Variants in ADAM12 observed in about 807,000 individuals in gnomAD.
ADAM12 encodes the protein ADAM metallopeptidase domain 12.
In ADAM12, 70 loss-of-function variants were observed where a neutral mutation model predicts 106.4. The ratio of observed to expected loss-of-function variants is 0.66; its 90% CI spans 0.54 to 0.80. The LOEUF is 0.80. Ranked by LOEUF, ADAM12 falls within the 30% of genes least tolerant of loss-of-function variation. The pLI, the probability that ADAM12 is intolerant of heterozygous loss-of-function variation, is 0.00. For synonymous variants in ADAM12, 420 were observed against 433.5 expected, an observed-to-expected ratio of 0.97 and a Z score of 0.39; for missense variants, 1,010 against 1,171.9, an observed-to-expected ratio of 0.86 and a Z score of 2.02.
intron 14 of ADAM12, among the ~76,000 whole-genome samples, chr10:126,050,757 C>T (rs1428608169): frequency 6.6e-6 from 1 of 152,230 alleles, no homozygotes; most frequent in Non-Finnish European, 1.5e-5. Flanking sequence ...CAGACATGAT[C>T]ATCTCATTCA....
At chr10:126,246,806 C>T (rs1958639038) in intron 3 of ADAM12, among the ~76,000 whole-genome samples, 1 of 151,610 alleles carries the variant, frequency 6.6e-6, no homozygotes, top group Non-Finnish European at 1.5e-5. Context: ...GAAGCATTCC[C>T]TTTGAAAACT....
At chr10:126,372,411 A>G (rs1191754781) in intron 1 of ADAM12, among the ~76,000 whole-genome samples, 1 of 152,224 alleles carries the variant, frequency 6.6e-6, no homozygotes, top group Non-Finnish European at 1.5e-5. Context: ...GTTGACAAAT[A>G]AACTAAGTTC....
intron 2 of ADAM12, among the ~76,000 whole-genome samples, chr10:126,314,940 C>G (rs899827361): frequency 6.6e-6 from 1 of 152,092 alleles, no homozygotes; most frequent in Non-Finnish European, 1.5e-5. Context: ...GCAGACTGCC[C>G]CAGTTTGTAC....
chr10:126,155,856 G>T (rs1956806264), intron 3 of ADAM12, among the ~76,000 whole-genome samples: 1 of 152,116 alleles, frequency 6.6e-6, no homozygotes, highest in African/African-American at 2.4e-5. Context: ...AATGCTAAAA[G>T]CAGCAATGTA....
intron 5 of ADAM12, among the ~76,000 whole-genome samples, chr10:126,118,843 A>G (rs1353666731): frequency 6.6e-6 from 1 of 152,190 alleles, no homozygotes; most frequent in Non-Finnish European, 1.5e-5. Flanking sequence ...CTTCCCACTT[A>G]GAAGTCAGAA....
At position 126,156,220 on chromosome 10, in the gene ADAM12, C is replaced by A. The variant is rs145805370; in HGVS notation, c.261-915G>T. Among the ~76,000 whole-genome samples, 471 of 147,646 alleles carry A rather than the reference C, an allele frequency of 3.2e-3. 4 individuals are homozygous for A. Among genetic ancestry groups the A allele is most frequent in the African/African-American group, 0.011 (427 of 40,234 alleles). ...GACACAGAATCCAGTGTGAAGGGAG[C>A]GATCACAGAGTAGAAACAGAGTCCT... is the stretch of plus-strand genomic sequence containing the variant. On this transcript the variant is annotated intron_variant, in intron 3 of 22. Coordinates refer to ENST00000448723, the MANE Select transcript of ADAM12 (RefSeq NM_001288973.2).
chr10:126,127,657 G>A (rs1490956423), intron 5 of ADAM12, among the ~76,000 whole-genome samples: 1 of 152,240 alleles, frequency 6.6e-6, no homozygotes, highest in Non-Finnish European at 1.5e-5. Flanking sequence ...GCATGGGCAA[G>A]GAAGGATAGG....
chr10:126,230,579 G>T (rs942830658), intron 3 of ADAM12, among the ~76,000 whole-genome samples: 1 of 152,124 alleles, frequency 6.6e-6, no homozygotes, highest in Non-Finnish European at 1.5e-5. Context: ...GTTTTTAAAA[G>T]CTTTGCCAAT....
At chr10:126,261,255 T>A (rs1404783555) in intron 3 of ADAM12, among the ~76,000 whole-genome samples, 1 of 152,146 alleles carries the variant, frequency 6.6e-6, no homozygotes, top group East Asian at 1.9e-4. Context: ...TGTTTAAAAA[T>A]TCTATATGGG....
At chr10:126,303,603 A>C (rs1197492003) in intron 2 of ADAM12, among the ~76,000 whole-genome samples, 1 of 152,180 alleles carries the variant, frequency 6.6e-6, no homozygotes, top group Non-Finnish European at 1.5e-5. Context: ...AAAACCAGGG[A>C]ATGTGGTAAA....
At chr10:126,183,111 C>T (rs182700365) in intron 3 of ADAM12, among the ~76,000 whole-genome samples, 183 of 152,288 alleles carry the variant, frequency 1.2e-3, no homozygotes, top group Non-Finnish European at 9.1e-4. Context: ...ATGTTCCTTA[C>T]GAGAACCTAA....
At chr10:126,060,576 C>G (rs1204644814) in intron 14 of ADAM12, among the ~76,000 whole-genome samples, 1 of 152,224 alleles carries the variant, frequency 6.6e-6, no homozygotes, top group African/African-American at 2.4e-5. Context: ...TGGGGAAATA[C>G]TGCAAATGCA....
chr10:126,273,565 G>T (rs1231902917), intron 3 of ADAM12, among the ~76,000 whole-genome samples: 3 of 152,052 alleles, frequency 2.0e-5, no homozygotes, highest in African/African-American at 7.2e-5. Context: ...CCAATCCCTG[G>T]GCATGTCAAG....
intron 2 of ADAM12, among the ~76,000 whole-genome samples, chr10:126,284,921 C>T (rs1018698472): frequency 6.6e-6 from 1 of 152,228 alleles, no homozygotes; most frequent in Non-Finnish European, 1.5e-5. Context: ...CACCCATACA[C>T]ACTTGTCTGT....
At chr10:126,089,980 G>A (rs1955431445) in intron 11 of ADAM12, among the ~76,000 whole-genome samples, 1 of 152,170 alleles carries the variant, frequency 6.6e-6, no homozygotes, top group East Asian at 1.9e-4. Context: ...AATAGAGACA[G>A]GGTCTTGCTA....
chr10:126,207,771 C>A (rs1957823032), intron 3 of ADAM12, among the ~76,000 whole-genome samples: 1 of 152,164 alleles, frequency 6.6e-6, no homozygotes, highest in African/African-American at 2.4e-5. Context: ...GCTCGAACAC[C>A]AATATTCTTC....
chr10:126,165,289 T>G (rs747705496), intron 3 of ADAM12, among the ~76,000 whole-genome samples: 12 of 152,154 alleles, frequency 7.9e-5, no homozygotes, highest in Non-Finnish European at 1.5e-4. Context: ...TGCCTCAGCC[T>G]CCTGAGTAGC....
chr10:126,139,264 A>AT (rs199927483), intron 4 of ADAM12, among the ~76,000 whole-genome samples: 2,308 of 151,276 alleles, frequency 0.015, 58 homozygotes, highest in African/African-American at 0.052. Context: ...CTAGTTTTAG[A>AT]TTTTTTTTTC....
At chr10:126,306,710 C>T (rs776435866) in intron 2 of ADAM12, among the ~76,000 whole-genome samples, 6 of 152,108 alleles carry the variant, frequency 3.9e-5, no homozygotes, top group Non-Finnish European at 7.4e-5. Flanking sequence ...TTTCTTCTGG[C>T]GGTTTCTATT....
Sources: gnomAD v4.1 joint callset for allele counts (sites outside exome capture counted in the v4.1 genomes callset) on GRCh38, gnomAD v4.1.1 for gene constraint, MANE v1.5 for transcripts, NCBI Gene and HGNC (gene_info 2026-07-23, HGNC 2026-07-21) for gene names.